The following GNG7 variants were observed in gnomAD, a reference collection of about 807,000 sequenced individuals.
GNG7 encodes the protein guanine nucleotide-binding protein G(I)/G(S)/G(O) subunit gamma-7.
Under a neutral mutation model 4.0 loss-of-function variants are expected in GNG7, and 1 was observed. The observed-to-expected ratio is 0.25, with a 90% CI of 0.09 to 1.18. The LOEUF (loss-of-function observed/expected upper bound fraction) is 1.18, where lower values mean the gene tolerates loss of function less well. Ranked by LOEUF, GNG7 falls within the 50% of genes most tolerant of loss-of-function variation. The pLI is 0.50. For missense variants in GNG7, 86 were observed against 91.9 expected (o/e 0.94, Z 0.26); for synonymous variants, 34 against 36.9 (o/e 0.92, Z 0.29).
intron 2 of GNG7, among the ~76,000 whole-genome samples, chr19:2,627,526 A>G (rs111479860): frequency 0.041 from 6,200 of 152,190 alleles, 162 homozygotes; most frequent in Middle Eastern, 0.085. Context: ...GTAAACACCC[A>G]CCCAGGCGTG....
intron 2 of GNG7, among the ~76,000 whole-genome samples, chr19:2,591,610 C>A (rs908504131): frequency 6.6e-5 from 10 of 151,944 alleles, no homozygotes; most frequent in African/African-American, 2.4e-4. Flanking sequence ...AGGAAGCTCT[C>A]TTCTACAATG....
At chr19:2,519,151 T>TC (rs1978295589) in intron 4 of GNG7, among the ~76,000 whole-genome samples, 2 of 137,284 alleles carry the variant, frequency 1.5e-5, no homozygotes, top group African/African-American at 5.4e-5. Context: ...TGTTTCTTTT[T>TC]TTTTTTTTTT....
intron 3 of GNG7, among the ~76,000 whole-genome samples, chr19:2,530,590 G>T (rs1408888302): frequency 6.9e-6 from 1 of 143,996 alleles, no homozygotes; most frequent in Non-Finnish European, 1.5e-5. Flanking sequence ...CGTGGTGGCG[G>T]GTGCCTGTAG....
At chr19:2,699,036 T>C (rs1415237475) in intron 1 of GNG7, among the ~76,000 whole-genome samples, 3 of 152,278 alleles carry the variant, frequency 2.0e-5, no homozygotes, top group South Asian at 4.1e-4. Flanking sequence ...AGAAAGCACA[T>C]TGCAAACATT....
At chr19:2,551,009 C>A (rs1461300471) in intron 3 of GNG7, among the ~76,000 whole-genome samples, 3 of 152,182 alleles carry the variant, frequency 2.0e-5, no homozygotes, top group African/African-American at 4.8e-5. Context: ...TCCCTCCCAG[C>A]AGATGCTGCA....
rs1222619655 is a variant in GNG7, at chr19:2,538,454, T to A, written c.-38+16695A>T. ...CCTGGGCAACATAGTGAGACCCCCG[T>A]CTCTGCAAAAAAAAAAAAAAAAAAA... is the stretch of plus-strand genomic sequence containing the variant. On this transcript the variant is annotated intron_variant, in intron 3 of 4. Coordinates refer to ENST00000382159, the MANE Select transcript of GNG7 (RefSeq NM_052847.3). 7.6e-4 allele frequency: 199 copies of A among 262,252 alleles called. 1 individual carries two copies. Among genetic ancestry groups the A allele is most frequent in the African/African-American group, 5.6e-3 (186 of 33,202 alleles). 16.2% of individuals were successfully genotyped at this position (262,252 alleles called of 1,614,324 possible).
chr19:2,550,754 C>T (rs1979291419), intron 3 of GNG7, among the ~76,000 whole-genome samples: 1 of 152,222 alleles, frequency 6.6e-6, no homozygotes, highest in Admixed American at 6.5e-5. Flanking sequence ...CTCAGTTTCC[C>T]CACCTATAAA....
rs534997609 is a variant in GNG7 at position 2,593,971 on chromosome 19, T to C, written c.-77-38783A>G. Among the ~76,000 whole-genome samples, 15 of 148,800 alleles carry C rather than the reference T, an allele frequency of 1.0e-4. No homozygotes were observed. In the South Asian group the frequency reaches 3.0e-3, roughly 30 times the overall value. The stretch of plus-strand genomic sequence containing the variant: ...TTCTTACCTCATTCACCCCAAACCT[T>C]CTCAAATCTGGATTAAATACTATAC... On this transcript the variant is annotated intron_variant, in intron 2 of 4. Transcript: ENST00000382159.
intron 2 of GNG7, among the ~76,000 whole-genome samples, chr19:2,603,649 C>T (rs1981283216): frequency 6.6e-6 from 1 of 152,178 alleles, no homozygotes; most frequent in Non-Finnish European, 1.5e-5. Context: ...GGAAACCAAC[C>T]ATCTGGAGAA....
At chr19:2,553,832 T>C (rs1473136647) in intron 3 of GNG7, among the ~76,000 whole-genome samples, 2 of 148,068 alleles carry the variant, frequency 1.4e-5, no homozygotes, top group African/African-American at 2.5e-5. Flanking sequence ...GTACATATTA[T>C]ATGTAATATT....
At chr19:2,678,663 G>C (rs139984714) in intron 1 of GNG7, among the ~76,000 whole-genome samples, 1 of 152,006 alleles carries the variant, frequency 6.6e-6, no homozygotes, top group Non-Finnish European at 1.5e-5. Context: ...GTCTCGGAGG[G>C]TCCTGGGCAG....
intron 2 of GNG7, among the ~76,000 whole-genome samples, chr19:2,622,587 G>T (rs566505491): frequency 6.8e-6 from 1 of 147,430 alleles, no homozygotes; most frequent in East Asian, 2.0e-4. Context: ...ACGCGGCAGA[G>T]AGGGGGGCTT....
At chr19:2,590,293 G>A (rs960803557) in intron 2 of GNG7, among the ~76,000 whole-genome samples, 1 of 152,108 alleles carries the variant, frequency 6.6e-6, no homozygotes, top group Non-Finnish European at 1.5e-5. Flanking sequence ...TAAAGAAAAT[G>A]GGTCAGTCTT....
intron 2 of GNG7, among the ~76,000 whole-genome samples, chr19:2,593,403 G>T (rs1488151713): frequency 6.6e-6 from 1 of 151,918 alleles, no homozygotes; most frequent in Non-Finnish European, 1.5e-5. Flanking sequence ...TAAAATATTC[G>T]TTCTATATAT....
chr19:2,583,364 C>A (rs1375218773), intron 2 of GNG7, among the ~76,000 whole-genome samples: 2 of 152,228 alleles, frequency 1.3e-5, no homozygotes, highest in African/African-American at 4.8e-5. Context: ...GGACCTCTCA[C>A]CCCCTTTGTA....
intron 2 of GNG7, among the ~76,000 whole-genome samples, chr19:2,568,860 A>G (rs1980052110): frequency 6.6e-6 from 1 of 152,118 alleles, no homozygotes; most frequent in Non-Finnish European, 1.5e-5. Flanking sequence ...ACACAAATAT[A>G]CACACAAGTA....
intron 4 of GNG7, among the ~76,000 whole-genome samples, chr19:2,519,865 C>T (rs1394763217): frequency 1.3e-5 from 2 of 152,132 alleles, no homozygotes; most frequent in East Asian, 3.9e-4. Flanking sequence ...AAGGCGCAGC[C>T]TCAAGTGTGA....
chr19:2,557,103 A>C lies in GNG7; in HGVS notation c.-77-1915T>G, dbSNP rs1979574046. ...CACACACGTGCACACAGGAATACTC[A>C]GACACACGCACACACGTACACACGT... On this transcript the variant is annotated intron_variant, in intron 2 of 4. Coordinates refer to ENST00000382159, the MANE Select transcript of GNG7 (RefSeq NM_052847.3). The surrounding 1 kb of genome is among the most constrained non-coding windows in gnomAD (Gnocchi z 5.1). Among the ~76,000 whole-genome samples, 1 of 150,976 alleles carries C rather than the reference A, an allele frequency of 6.6e-6. No individual in the cohort carries two copies.
chr19:2,702,013 A>G (rs897291971), intron 1 of GNG7, among the ~76,000 whole-genome samples: 3 of 125,834 alleles, frequency 2.4e-5, no homozygotes, highest in Non-Finnish European at 4.9e-5. Context: ...AAGACCTCCA[A>G]TTCCACCACC....
Sources: allele counts gnomAD v4.1 joint callset (sites outside exome capture counted in the v4.1 genomes callset), GRCh38; gene constraint gnomAD v4.1.1; non-coding constraint Gnocchi (gnomAD v3.1); transcripts MANE v1.5; gene names NCBI Gene and HGNC (gene_info 2026-07-23, HGNC 2026-07-21).